The following GRIK4 variants were observed in gnomAD, a reference collection of about 807,000 sequenced individuals.
The protein encoded by GRIK4 is glutamate receptor ionotropic, kainate 4.
In GRIK4, 40 loss-of-function variants were observed where a neutral mutation model predicts 104.9. The observed-to-expected ratio is 0.38, with a 90% CI of 0.30 to 0.50. The LOEUF is 0.50. Among genes scored for constraint, GRIK4 ranks in the 20% least tolerant of loss-of-function variants. The probability of loss-of-function intolerance (pLI) is 0.93; values close to 1 mark genes in which losing one functional copy is unlikely to be tolerated. For synonymous variants in GRIK4, 485 were observed against 524.9 expected, an observed-to-expected ratio of 0.92 and a Z score of 1.04; for missense variants, 1,047 against 1,308.1, an observed-to-expected ratio of 0.80 and a Z score of 3.08.
intron 1 of GRIK4, among the ~76,000 whole-genome samples, chr11:120,546,775 C>A (rs1448099815): frequency 6.6e-6 from 1 of 152,168 alleles, no homozygotes; most frequent in African/African-American, 2.4e-5. Flanking sequence ...CTCCTGAAGT[C>A]CCCTCCCACT....
rs1048495467 is a variant in GRIK4 at position 120,923,451 on chromosome 11, C to T, written c.1477-16896C>T. On this transcript the variant is annotated intron_variant, in intron 13 of 20. Transcript: ENST00000527524. Reference sequence around the variant, plus strand: ...TTTTGGAGACGGAGTCTCACTCAGTCGCCCAGGCTGGAGTGCAGTGGCGCG... The same window carrying T: ...TTTTGGAGACGGAGTCTCACTCAGTTGCCCAGGCTGGAGTGCAGTGGCGCG... 6.3e-5 allele frequency among the ~76,000 whole-genome samples: 8 copies of T among 126,386 alleles called. No individual in the cohort carries two copies. In the East Asian group the frequency reaches 1.8e-3, roughly 28 times the overall value. The allele number at this position is 126,386 out of a possible 152,430, so 82.9% of individuals were successfully genotyped here.
intron 1 of GRIK4, among the ~76,000 whole-genome samples, chr11:120,545,405 A>C (rs576591031): frequency 1.3e-5 from 2 of 152,340 alleles, no homozygotes; most frequent in Non-Finnish European, 2.9e-5. Flanking sequence ...CAAATGTAAG[A>C]GGGTGGAAAT....
chr11:120,899,084 T>C (rs1358385481), intron 12 of GRIK4, among the ~76,000 whole-genome samples: 7 of 152,170 alleles, frequency 4.6e-5, no homozygotes, highest in Non-Finnish European at 2.9e-5. Context: ...ACATGGTCTG[T>C]TTCTTCATTT....
At chr11:120,834,529 C>T (rs1034415758) in intron 7 of GRIK4, among the ~76,000 whole-genome samples, 2 of 152,188 alleles carry the variant, frequency 1.3e-5, no homozygotes, top group African/African-American at 4.8e-5. Flanking sequence ...GGCCTGGCCT[C>T]TGTCCTCATG....
intron 12 of GRIK4, among the ~76,000 whole-genome samples, chr11:120,900,727 A>AG (rs1942711513): frequency 6.6e-6 from 1 of 151,954 alleles, no homozygotes; most frequent in South Asian, 2.1e-4. Flanking sequence ...TTGCCGGGGG[A>AG]GGGGTATTCT....
chr11:120,883,005 G>A (rs189310754), intron 11 of GRIK4, among the ~76,000 whole-genome samples: 1 of 152,280 alleles, frequency 6.6e-6, no homozygotes, highest in East Asian at 1.9e-4. Flanking sequence ...CTAATCCCCA[G>A]CTCCTGCAAG....
chr11:120,569,068 G>A (rs1425056492), intron 1 of GRIK4, among the ~76,000 whole-genome samples: 1 of 152,238 alleles, frequency 6.6e-6, no homozygotes, highest in Non-Finnish European at 1.5e-5. Flanking sequence ...GCATTAGTGA[G>A]CGATTTGATT....
chr11:120,823,408 G>A (rs974636819), intron 6 of GRIK4, among the ~76,000 whole-genome samples: 5 of 152,178 alleles, frequency 3.3e-5, no homozygotes, highest in Non-Finnish European at 5.9e-5. Context: ...AAACAGTTCC[G>A]TGCAGATGGC....
rs1942780189 is a variant in GRIK4 at position 120,903,114 on chromosome 11, G to T, written c.1273-2176G>T. On this transcript the variant is annotated intron_variant, in intron 12 of 20. Transcript: ENST00000527524. The surrounding 1 kb of genome is among the most constrained non-coding windows in gnomAD (Gnocchi z 4.4). ...ACGAGCTCAGCCCATCAGGATTTCA[G>T]TGCTTTCCTCTCTGGGCTCCTAGAA... Among the ~76,000 whole-genome samples, 1 of 152,024 alleles carries T rather than the reference G, an allele frequency of 6.6e-6. No homozygotes were observed. Among genetic ancestry groups the T allele is most frequent in the Admixed American group, 6.5e-5 (1 of 15,268 alleles).
chr11:120,627,612 G>A (rs1303214908), intron 1 of GRIK4, among the ~76,000 whole-genome samples: 1 of 152,216 alleles, frequency 6.6e-6, no homozygotes, highest in Non-Finnish European at 1.5e-5. Flanking sequence ...GGCCCAGGAG[G>A]CAGGCCCTGC....
chr11:120,985,318 C>T (rs759449550), intron 20 of GRIK4, among the ~76,000 whole-genome samples: 1 of 152,134 alleles, frequency 6.6e-6, no homozygotes, highest in Non-Finnish European at 1.5e-5. Context: ...GCCCCAGACC[C>T]ACCGGGTGTG....
chr11:120,563,615 G>C (rs973652770), intron 1 of GRIK4, among the ~76,000 whole-genome samples: 1 of 152,130 alleles, frequency 6.6e-6, no homozygotes, highest in Non-Finnish European at 1.5e-5. Context: ...TGGGATAGAT[G>C]GGTGCTTTGC....
chr11:120,746,508 C>G (rs1045383597), intron 3 of GRIK4, among the ~76,000 whole-genome samples: 1 of 152,056 alleles, frequency 6.6e-6, no homozygotes, highest in African/African-American at 2.4e-5. Context: ...CCTTTTCTGT[C>G]CTAGCCAGGA....
intron 3 of GRIK4, among the ~76,000 whole-genome samples, chr11:120,760,387 A>T (rs1048502213): frequency 1.4e-5 from 2 of 147,560 alleles, no homozygotes; most frequent in Non-Finnish European, 3.0e-5. Context: ...ATAAACATAT[A>T]TATACATATA....
chr11:120,907,003 G>A (rs542065762), intron 13 of GRIK4, among the ~76,000 whole-genome samples: 2 of 152,316 alleles, frequency 1.3e-5, no homozygotes, highest in East Asian at 1.9e-4. Context: ...ATGGCAGGGC[G>A]AAGGCTTCAG....
chr11:120,820,082 CGTGTGTGTGTGTGTGT>C (rs35140379), intron 6 of GRIK4, among the ~76,000 whole-genome samples, 162 bp downstream of exon 6: 1 of 144,734 alleles, frequency 6.9e-6, no homozygotes, highest in African/African-American at 2.5e-5. Context: ...CTCATGTGTC[CGTGTGTGTGTGTGTGT>C]GTGTGTGTGT....
intron 12 of GRIK4, among the ~76,000 whole-genome samples, chr11:120,901,926 T>G (rs1942747986): frequency 6.6e-6 from 1 of 152,176 alleles, no homozygotes; most frequent in Non-Finnish European, 1.5e-5. Flanking sequence ...GAGGTGACAT[T>G]TAACAACATG....
chr11:120,926,917 C>T (rs973495936), intron 13 of GRIK4, among the ~76,000 whole-genome samples: 15 of 152,116 alleles, frequency 9.9e-5, no homozygotes, highest in Non-Finnish European at 1.5e-5. Context: ...CAGAGTGTCT[C>T]GAGGAGAGGG....
At chr11:120,574,870 A>G (rs529361181) in intron 1 of GRIK4, among the ~76,000 whole-genome samples, 1 of 151,902 alleles carries the variant, frequency 6.6e-6, no homozygotes, top group Non-Finnish European at 1.5e-5. Flanking sequence ...ATAAGAATTC[A>G]TTGAGCACCT....
Sources: allele counts gnomAD v4.1 joint callset (sites outside exome capture counted in the v4.1 genomes callset), GRCh38; gene constraint gnomAD v4.1.1; non-coding constraint Gnocchi (gnomAD v3.1); transcripts MANE v1.5; gene names NCBI Gene and HGNC (gene_info 2026-07-23, HGNC 2026-07-21).